Variants in SDK1 observed in about 807,000 individuals in gnomAD.
SDK1 encodes protein sidekick-1.
SDK1 carries 157 observed loss-of-function variants against 245.5 expected under a neutral mutation model. The observed-to-expected ratio is 0.64, with a 90% CI of 0.56 to 0.73. The LOEUF (loss-of-function observed/expected upper bound fraction) is 0.73. Among genes scored for constraint, SDK1 ranks in the 30% least tolerant of loss-of-function variants. SDK1 has a pLI of 0.00. For synonymous variants in SDK1, 1,647 were observed against 1,278.5 expected (o/e 1.29, Z -6.15); for missense variants, 3,583 against 3,002.3 (o/e 1.19, Z -4.52).
intron 4 of SDK1, among the ~76,000 whole-genome samples, chr7:3,807,846 A>G (rs1454377106): frequency 1.3e-5 from 2 of 152,208 alleles, no homozygotes; most frequent in African/African-American, 4.8e-5. Context: ...TTTCTGTAAC[A>G]TGGAGATAAT....
chr7:3,959,463 G>A (rs952244283), intron 8 of SDK1, among the ~76,000 whole-genome samples: 1 of 152,192 alleles, frequency 6.6e-6, no homozygotes, highest in Non-Finnish European at 1.5e-5. Flanking sequence ...GAGGTACAAG[G>A]CAATTTTGTT....
intron 5 of SDK1, among the ~76,000 whole-genome samples, chr7:3,927,584 T>G (rs1234872201): frequency 1.3e-5 from 2 of 152,194 alleles, no homozygotes; most frequent in African/African-American, 4.8e-5. Flanking sequence ...CCCGTGACAC[T>G]GTCATTTCAG....
chr7:3,324,133 C>T (rs962165791), intron 1 of SDK1, among the ~76,000 whole-genome samples: 9 of 152,264 alleles, frequency 5.9e-5, no homozygotes, highest in Admixed American at 3.9e-4. Context: ...TCCTTTTTCA[C>T]ATTGCTGTCG....
At chr7:4,256,056 A>C (rs1203594985) in intron 44 of SDK1, among the ~76,000 whole-genome samples, 3 of 151,042 alleles carry the variant, frequency 2.0e-5, no homozygotes, top group Admixed American at 1.3e-4. Flanking sequence ...AGTAGCTGTG[A>C]TCACAGGTGT....
intron 5 of SDK1, among the ~76,000 whole-genome samples, chr7:3,829,673 G>A (rs149247462): frequency 1.1e-4 from 16 of 152,286 alleles, no homozygotes; most frequent in Non-Finnish European, 2.1e-4. Flanking sequence ...CAAGGAGAAG[G>A]CAAAACTTGG....
intron 5 of SDK1, among the ~76,000 whole-genome samples, chr7:3,924,193 G>C (rs1450544772): frequency 2.0e-5 from 3 of 152,130 alleles, no homozygotes; most frequent in Middle Eastern, 3.4e-3. Context: ...ATTGGGGATG[G>C]GGAAAAGGTG....
chr7:4,145,333 G>A (rs1020183021), intron 28 of SDK1, among the ~76,000 whole-genome samples: 5 of 152,142 alleles, frequency 3.3e-5, no homozygotes, highest in East Asian at 1.9e-4. Context: ...AGAATTAAAC[G>A]ACTTCCTAAG....
chr7:3,534,459 A>G (rs1033548752), intron 1 of SDK1, among the ~76,000 whole-genome samples: 1 of 152,200 alleles, frequency 6.6e-6, no homozygotes, highest in African/African-American at 2.4e-5. Flanking sequence ...AGAAACCTCC[A>G]TACCATTTTC....
At chr7:3,360,673 C>G (rs1434232437) in intron 1 of SDK1, among the ~76,000 whole-genome samples, 10 of 152,058 alleles carry the variant, frequency 6.6e-5, no homozygotes. Context: ...TTACCTTGGC[C>G]CAGTGCTGCT....
chr7:3,526,414 C>T (rs569673595), intron 1 of SDK1, among the ~76,000 whole-genome samples: 140 of 152,224 alleles, frequency 9.2e-4, no homozygotes, highest in African/African-American at 2.9e-3. Flanking sequence ...TATATTATAA[C>T]TTCCATTTAA....
chr7:3,519,675 C>T (rs1782869891), intron 1 of SDK1, among the ~76,000 whole-genome samples: 1 of 151,934 alleles, frequency 6.6e-6, no homozygotes, highest in South Asian at 2.1e-4. Flanking sequence ...CTGTTACATC[C>T]AGAGATACGC....
intron 4 of SDK1, among the ~76,000 whole-genome samples, chr7:3,722,486 G>T (rs1778845994): frequency 1.3e-5 from 2 of 152,112 alleles, no homozygotes; most frequent in Non-Finnish European, 2.9e-5. Context: ...GACACCACCA[G>T]GGGGAAAGCA....
chr7:3,793,433 C>T (rs1237966107), intron 4 of SDK1, among the ~76,000 whole-genome samples: 5 of 152,068 alleles, frequency 3.3e-5, no homozygotes, highest in Non-Finnish European at 5.9e-5. Flanking sequence ...ACGTGACAAA[C>T]GCTGAATATT....
intron 22 of SDK1, among the ~76,000 whole-genome samples, chr7:4,106,731 C>G (rs745429813): frequency 5.3e-5 from 8 of 152,136 alleles, no homozygotes; most frequent in Non-Finnish European, 1.2e-4. Flanking sequence ...TCTCTCAACG[C>G]GGCGCGTGCC....
chr7:3,902,173 C>T (rs534891711), intron 5 of SDK1, among the ~76,000 whole-genome samples: 61 of 152,280 alleles, frequency 4.0e-4, no homozygotes, highest in Middle Eastern at 6.8e-3. Context: ...CTCCCAGACT[C>T]TTCAGTGGCT....
chr7:3,788,849 A>G (rs1780992084), intron 4 of SDK1, among the ~76,000 whole-genome samples: 1 of 152,202 alleles, frequency 6.6e-6, no homozygotes. Flanking sequence ...GAGAGGAGAC[A>G]GAATTCAGGG....
chr7:3,368,505 AATG>A (rs1781145809), intron 1 of SDK1, among the ~76,000 whole-genome samples: 2 of 152,254 alleles, frequency 1.3e-5, no homozygotes, highest in Non-Finnish European at 2.9e-5. Flanking sequence ...ATGGAGTGAA[AATG>A]ATAACTTTAT....
chr7:3,430,613 C>A (rs575192416), intron 1 of SDK1, among the ~76,000 whole-genome samples: 1 of 152,322 alleles, frequency 6.6e-6, no homozygotes, highest in Non-Finnish European at 1.5e-5. Context: ...TCATGACTTT[C>A]CATCCCCTCA....
intron 1 of SDK1, among the ~76,000 whole-genome samples, chr7:3,450,674 C>G (rs973780137): frequency 8.5e-5 from 13 of 152,206 alleles, no homozygotes; most frequent in Admixed American, 6.5e-4. Flanking sequence ...AAATGAAGAT[C>G]TTTATTGGTT....
Sources: allele counts gnomAD v4.1 joint callset (sites outside exome capture counted in the v4.1 genomes callset), GRCh38; gene constraint gnomAD v4.1.1; transcripts MANE v1.5; gene names NCBI Gene and HGNC (gene_info 2026-07-23, HGNC 2026-07-21).